ALS2: variants seen among roughly 807,000 people sequenced by gnomAD.
ALS2 encodes the protein alsin.
In ALS2, 117 loss-of-function variants were observed where a neutral mutation model predicts 203.4. That is an observed-to-expected ratio of 0.58 (90% CI 0.50 to 0.67). ALS2 has a LOEUF of 0.67. Among genes scored for constraint, ALS2 ranks in the 30% least tolerant of loss-of-function variants. The probability of loss-of-function intolerance (pLI) is 0.00; values close to 1 mark genes in which losing one functional copy is unlikely to be tolerated. For synonymous variants in ALS2, 718 were observed against 725.9 expected, an observed-to-expected ratio of 0.99 and a Z score of 0.17; for missense variants, 1,715 against 1,989.4, an observed-to-expected ratio of 0.86 and a Z score of 2.62.
At chr2:201,705,296 A>C in intron 30 of ALS2, 96 bp from the exon 31 acceptor site, 1 of 1,458,176 alleles carries the variant, frequency 6.9e-7, no homozygotes, top group Non-Finnish European at 9.6e-7. Flanking sequence ...TTTGGTAATA[A>C]CAGATGCAAA....
intron 2 of ALS2, among the ~76,000 whole-genome samples, chr2:201,768,345 T>C (rs974128374): frequency 1.3e-5 from 2 of 152,236 alleles, no homozygotes; most frequent in African/African-American, 4.8e-5. Context: ...CACATTAAGA[T>C]ATGTGCCACC....
chr2:201,706,778 A>G (rs1263682699), intron 29 of ALS2, 68 bp downstream of exon 29: 2 of 1,578,174 alleles, frequency 1.3e-6, no homozygotes, highest in Non-Finnish European at 1.7e-6. Flanking sequence ...AAAGTGCCAA[A>G]TTTCCAATAA....
chr2:201,713,033 T>C (rs567600883), intron 25 of ALS2, among the ~76,000 whole-genome samples: 36 of 152,172 alleles, frequency 2.4e-4, no homozygotes, highest in Non-Finnish European at 4.6e-4. Context: ...TTCAGCTACT[T>C]GAATCTATGG....
rs753422735 is a variant in ALS2, at chr2:201,761,747, T to C, written c.247A>G (p.Ile83Val). Residue 83 changes from isoleucine (I) to valine (V), a missense_variant, in exon 4 of 34, where the codon ATT becomes GTT. By Grantham distance (29) the Ile-to-Val change is conservative. This residue lies in a region of ALS2 where 476 missense variants were observed against 539.3 expected (regional missense o/e 0.88). Transcript: ENST00000264276. ...GPVEICPSSP[I>V]LENALVGQYV... Reference sequence around the variant, plus strand: ...TGCCCAACCAGGGCATTTTCTAGAATGGGGCTACTTGGACAAATCTCCACT... The same window carrying C: ...TGCCCAACCAGGGCATTTTCTAGAACGGGGCTACTTGGACAAATCTCCACT... The C allele has an allele frequency of 4.3e-6, 7 of 1,613,656 alleles. No individual in the cohort carries two copies. Among genetic ancestry groups the C allele is most frequent in the Non-Finnish European group, 5.9e-6 (7 of 1,179,948 alleles).
intron 23 of ALS2, among the ~76,000 whole-genome samples, chr2:201,721,721 T>G (rs947167784): frequency 6.6e-6 from 1 of 152,200 alleles, no homozygotes. Flanking sequence ...TGGAGCACAG[T>G]GCCACGATTT....
chr2:201,722,307 G>C (rs1690854689), intron 23 of ALS2: 1 of 152,194 alleles, frequency 6.6e-6, no homozygotes, highest in Admixed American at 6.6e-5. Flanking sequence ...CATTGGAATG[G>C]CTATAAGAAA....
intron 13 of ALS2, among the ~76,000 whole-genome samples, chr2:201,730,410 C>T (rs1240907162): frequency 6.6e-6 from 1 of 152,186 alleles, no homozygotes; most frequent in Non-Finnish European, 1.5e-5. Context: ...CTACCAATCT[C>T]ATGAGATAAA....
intron 13 of ALS2, among the ~76,000 whole-genome samples, chr2:201,731,331 A>C (rs962443083): frequency 6.6e-6 from 1 of 152,208 alleles, no homozygotes; most frequent in Non-Finnish European, 1.5e-5. Flanking sequence ...AATAGGTTAT[A>C]TATCATAAAA....
intron 10 of ALS2, among the ~76,000 whole-genome samples, 167 bp from the exon 11 acceptor site, chr2:201,742,021 G>A (rs1226722308): frequency 2.6e-5 from 4 of 152,176 alleles, no homozygotes; most frequent in Non-Finnish European, 5.9e-5. Flanking sequence ...AAAGATCACA[G>A]TATCCAGTCC....
At chr2:201,723,258 G>C in intron 22 of ALS2, 72 bp downstream of exon 22, 1 of 1,436,034 alleles carries the variant, frequency 7.0e-7, no homozygotes, top group South Asian at 1.1e-5. Context: ...CTAATCAAAA[G>C]ATGATTTAAA....
chr2:201,775,405 T>A (rs1694611726), intron 1 of ALS2, among the ~76,000 whole-genome samples: 1 of 152,230 alleles, frequency 6.6e-6, no homozygotes, highest in Non-Finnish European at 1.5e-5. Flanking sequence ...AACCAGAGTT[T>A]ACACTTTGCA....
intron 10 of ALS2, 79 bp from the exon 11 acceptor site, chr2:201,741,933 T>G: frequency 1.7e-5 from 22 of 1,272,662 alleles, no homozygotes; most frequent in Non-Finnish European, 2.2e-5. Flanking sequence ...TGATTATGAA[T>G]TCCTCTAAGA....
chr2:201,702,049 TC>T (rs1294643293), intron 33 of ALS2, among the ~76,000 whole-genome samples, 160 bp from the exon 34 acceptor site: 1 of 148,524 alleles, frequency 6.7e-6, no homozygotes, highest in Non-Finnish European at 1.5e-5. Context: ...CCCTTCTAGT[TC>T]CCCTATCTAG....
rs748034415 is a variant in ALS2 at position 201,760,873 on chromosome 2, G to A, written c.1113+8C>T. The stretch of plus-strand genomic sequence containing the variant: ...ACACACTTTTATTTTATAAAATTGA[G>A]CAGGTACCTGAGATGGCACTGGCTT... On this transcript the variant is annotated splice_region_variant and intron_variant, in intron 4 of 33. Coordinates refer to ENST00000264276, the MANE Select transcript of ALS2 (RefSeq NM_020919.4). 6.2e-7 allele frequency: 1 copy of A among 1,609,548 alleles called. No homozygotes were observed.
intron 27 of ALS2, among the ~76,000 whole-genome samples, chr2:201,709,240 C>G (rs1170970484): frequency 2.0e-5 from 3 of 152,122 alleles, no homozygotes; most frequent in Non-Finnish European, 4.4e-5. Context: ...CTGCTCTGAC[C>G]TTCTCTTCAA....
chr2:201,722,756 C>A, intron 23 of ALS2: 1 of 386,372 alleles, frequency 2.6e-6, no homozygotes, highest in East Asian at 5.0e-5. Context: ...ATACAAAAGG[C>A]CCAAAAAAGG....
intron 12 of ALS2, among the ~76,000 whole-genome samples, chr2:201,734,510 T>C (rs116200404): frequency 1.7e-3 from 260 of 151,998 alleles, no homozygotes; most frequent in Non-Finnish European, 2.8e-3. Flanking sequence ...AGATTTTATT[T>C]ATATTTGGCT....
chr2:201,724,282 G>C lies in ALS2; in HGVS notation c.3512+13C>G, dbSNP rs986859886. 1.2e-6 allele frequency: 2 copies of C among 1,610,544 alleles called. No homozygotes were observed. The highest frequency in any genetic ancestry group is 2.7e-5 in the African/African-American group (2 of 74,874). On this transcript the variant is annotated intron_variant, in intron 21 of 33. Transcript: ENST00000264276. ...TTGGCTTAAACTGTGGGAATAGAAGGAGAATACTGTACCTAGTGATATCAT... is the reference window on the plus strand; with the variant it reads ...TTGGCTTAAACTGTGGGAATAGAAGCAGAATACTGTACCTAGTGATATCAT...
chr2:201,734,613 C>T (rs930459093), intron 12 of ALS2, among the ~76,000 whole-genome samples: 1 of 152,214 alleles, frequency 6.6e-6, no homozygotes, highest in Non-Finnish European at 1.5e-5. Flanking sequence ...CTTTGACCTG[C>T]TCCTGAGAGA....
Sources: gnomAD v4.1 joint callset for allele counts (sites outside exome capture counted in the v4.1 genomes callset) on GRCh38, gnomAD v4.1.1 for gene constraint, gnomAD v4.1.1 regional missense constraint, MANE v1.5 for transcripts, NCBI Gene and HGNC (gene_info 2026-07-23, HGNC 2026-07-21) for gene names.